Variants in GPRIN3 observed in about 807,000 individuals in gnomAD.
GPRIN3 encodes GPRIN family member 3.
In GPRIN3, 12 loss-of-function variants were observed where a neutral mutation model predicts 13.7. The ratio of observed to expected loss-of-function variants is 0.87; its 90% CI spans 0.56 to 1.42. The LOEUF (loss-of-function observed/expected upper bound fraction) is 1.42. GPRIN3 is among the 40% of genes most tolerant of loss of function. GPRIN3 has a pLI of 0.00. For synonymous variants in GPRIN3, 377 were observed against 372.7 expected, an observed-to-expected ratio of 1.01 and a Z score of -0.13; for missense variants, 1,009 against 958.7, an observed-to-expected ratio of 1.05 and a Z score of -0.69.
intron 1 of GPRIN3, among the ~76,000 whole-genome samples, chr4:89,258,360 G>A (rs1439445999): frequency 6.6e-6 from 1 of 151,864 alleles, no homozygotes; most frequent in Non-Finnish European, 1.5e-5. Context: ...AGGATTAAAG[G>A]CATGCACCAC....
chr4:89,263,513 G>T (rs934252736), intron 1 of GPRIN3, among the ~76,000 whole-genome samples: 1 of 152,170 alleles, frequency 6.6e-6, no homozygotes, highest in Non-Finnish European at 1.5e-5. Context: ...GGCCAGGCAG[G>T]AAGCACTGTA....
rs1296008216 is a variant in GPRIN3 at position 89,248,343 on chromosome 4, C to A, written c.1768G>T (p.Glu590Ter). 1 of 1,614,026 alleles carries A rather than the reference C, an allele frequency of 6.2e-7. No individual in the cohort carries two copies. Among genetic ancestry groups the A allele is most frequent in the Non-Finnish European group, 8.5e-7 (1 of 1,180,044 alleles). Residue 590 changes from glutamate to a stop codon, truncating the protein, a stop_gained, in exon 2 of 2, where the codon GAG (glutamate) becomes TAG (stop). Transcript: ENST00000609438. LOFTEE classifies it high-confidence loss of function. ...PTPSPIRKNQESTLEENRQTK... is the reference protein window; with the variant it reads ...PTPSPIRKNQ Reference sequence around the variant, plus strand: ...TGTCTGTTTTCTTCTAAGGTGCTCTCCTGGTTCTTCCTAATTGGGGAGGGT... The same window carrying A: ...TGTCTGTTTTCTTCTAAGGTGCTCTACTGGTTCTTCCTAATTGGGGAGGGT...
In GPRIN3 at chr4:89,248,030, T is replaced by C. The variant is rs1723158869; in HGVS notation, c.2081A>G (p.Glu694Gly). ...TGCGTCCAAGGATGCACCATACACT[T>C]CCCAGGTCATTCCCTGCTCATCCCA... ...VVWDEQGMTW[E>G]VYGASLDAES... The change falls in exon 2 of 2, where the codon GAA becomes GGA. Residue 694 changes from glutamate (E) to glycine (G), a missense_variant. Physicochemically the swap from Glu to Gly is moderately conservative, Grantham distance 98. Coordinates refer to ENST00000609438, the MANE Select transcript of GPRIN3 (RefSeq NM_198281.3). The C allele has an allele frequency of 6.2e-7, 1 of 1,614,014 alleles. No homozygotes were observed. Among genetic ancestry groups the C allele is most frequent in the Non-Finnish European group, 8.5e-7 (1 of 1,179,978 alleles).
chr4:89,300,304 A>C (rs905650219), intron 1 of GPRIN3, among the ~76,000 whole-genome samples: 1 of 152,102 alleles, frequency 6.6e-6, no homozygotes, highest in African/African-American at 2.4e-5. Flanking sequence ...CAACTAAGTG[A>C]AGCTGTTGGG....
chr4:89,298,671 A>G (rs1724808588), intron 1 of GPRIN3, among the ~76,000 whole-genome samples: 1 of 151,636 alleles, frequency 6.6e-6, no homozygotes, highest in Middle Eastern at 3.4e-3. Flanking sequence ...ACATATATAT[A>G]TATGTATATA....
In GPRIN3 at chr4:89,237,172, A is replaced by G. The variant is rs1003891394; in HGVS notation, c.*10608T>C. 2 of 152,160 alleles carry G rather than the reference A, an allele frequency of 1.3e-5. No individual in the cohort carries two copies. Among genetic ancestry groups the G allele is most frequent in the African/African-American group, 2.4e-5 (1 of 41,428 alleles). The allele number at this position is 152,160 out of a possible 1,614,324, so 9.4% of individuals were successfully genotyped here. On this transcript the variant is annotated 3_prime_UTR_variant, in exon 2 of 2. Coordinates refer to ENST00000609438, the MANE Select transcript of GPRIN3 (RefSeq NM_198281.3). The stretch of plus-strand genomic sequence containing the variant: ...AAGCACTTTCAGCTTCCATCCAGAC[A>G]ATTTGAATTTCAACTATGTTAGACC...
chr4:89,248,608 G>A lies in GPRIN3; in HGVS notation c.1503C>T (p.Asn501=), dbSNP rs370483022. ...RPSEFAEKTT[N]GHKTDPDCKL... ...TGCAATCTGGGTCTGTTTTGTGGCC[G>A]TTTGTCGTTTTCTCTGCAAACTCAG... The change falls in exon 2 of 2, where the codon AAC becomes AAT. Residue 501 remains asparagine, a synonymous_variant. Coordinates refer to ENST00000609438, the MANE Select transcript of GPRIN3 (RefSeq NM_198281.3). The A allele has an allele frequency of 8.1e-5, 130 of 1,613,972 alleles. No homozygotes were observed. The highest frequency in any genetic ancestry group is 3.6e-4 in the East Asian group (16 of 44,874).
intron 1 of GPRIN3, among the ~76,000 whole-genome samples, chr4:89,259,007 C>T (rs1723556107): frequency 1.3e-5 from 2 of 152,162 alleles, no homozygotes; most frequent in Non-Finnish European, 2.9e-5. Flanking sequence ...CGTATTTTGG[C>T]ATAATTTACC....
In GPRIN3 at chr4:89,249,228, A is replaced by T. The variant is rs1723233332; in HGVS notation, c.883T>A (p.Phe295Ile). The change falls in exon 2 of 2, where the codon TTC becomes ATC. Residue 295 changes from phenylalanine to isoleucine, a missense_variant. By Grantham distance (21) the Phe-to-Ile change is conservative (BLOSUM62 0). Coordinates refer to ENST00000609438, the MANE Select transcript of GPRIN3 (RefSeq NM_198281.3). ...TTGGTCATCGTACTGGCTTCTTTGA[A>T]CCTTGACATCTGACGCTGTGCTGGC... ...PLPAQRQMSR[F>I]KEASTMTNQA... The T allele has an allele frequency of 6.2e-7, 1 of 1,613,586 alleles. No homozygotes were observed. Among genetic ancestry groups the T allele is most frequent in the Non-Finnish European group, 8.5e-7 (1 of 1,179,966 alleles).
chr4:89,270,565 TTA>T (rs1199230242), intron 1 of GPRIN3, among the ~76,000 whole-genome samples: 15,356 of 81,810 alleles, frequency 0.19, 1,250 homozygotes, highest in Non-Finnish European at 0.23. Flanking sequence ...TGTATATAAT[TTA>T]TATATATATA....
rs1041724699 is a variant in GPRIN3 at position 89,237,930 on chromosome 4, C to T, written c.*9850G>A. The T allele has an allele frequency of 4.6e-5, 7 of 152,184 alleles. No individual in the cohort carries two copies. The highest frequency in any genetic ancestry group is 1.0e-4 in the Non-Finnish European group (7 of 68,044). 9.4% of individuals were successfully genotyped at this position (152,184 alleles called of 1,614,324 possible). ...ACACCCACTGGTGGGACATAAACAG[C>T]TATAGGCATAAGACAAACCATCTCG... is the stretch of plus-strand genomic sequence containing the variant. On this transcript the variant is annotated 3_prime_UTR_variant, in exon 2 of 2. Coordinates refer to ENST00000609438, the MANE Select transcript of GPRIN3 (RefSeq NM_198281.3).
At chr4:89,299,168 C>G (rs1289544917) in intron 1 of GPRIN3, among the ~76,000 whole-genome samples, 4 of 152,088 alleles carry the variant, frequency 2.6e-5, no homozygotes, top group Non-Finnish European at 5.9e-5. Context: ...ACGCTTGATA[C>G]TTAAACACAG....
chr4:89,241,476 C>T lies in GPRIN3; in HGVS notation c.*6304G>A, dbSNP rs1205328705. On this transcript the variant is annotated 3_prime_UTR_variant, in exon 2 of 2. Transcript: ENST00000609438. ...AGTATTATGCACGACATATTGTTCA[C>T]ACATTAGTACAGCAGAGATACACAC... The T allele has an allele frequency of 6.6e-6, 1 of 152,152 alleles. No homozygotes were observed. The highest frequency in any genetic ancestry group is 1.5e-5 in the Non-Finnish European group (1 of 68,020). The allele number at this position is 152,152 out of a possible 1,614,324, so 9.4% of individuals were successfully genotyped here. A position where few individuals can be genotyped will look rare whatever the true frequency, so the allele number is the denominator to read the frequency against.
At chr4:89,251,149 A>G (rs938501516) in intron 1 of GPRIN3, 50 of 152,300 alleles carry the variant, frequency 3.3e-4, no homozygotes, top group African/African-American at 1.2e-3. Context: ...AAAAATGGAT[A>G]ACAAATATAA....
rs558342293 is a variant in GPRIN3 at position 89,282,735 on chromosome 4, T to C, written c.-124+24880A>G. Among the ~76,000 whole-genome samples, 27 of 152,202 alleles carry C rather than the reference T, an allele frequency of 1.8e-4. No homozygotes were observed. In the East Asian group the frequency reaches 4.8e-3, roughly 27 times the overall value. On this transcript the variant is annotated intron_variant, in intron 1 of 1. Transcript: ENST00000609438. The stretch of plus-strand genomic sequence containing the variant: ...TAGAATATTAATCTGACAAATCACT[T>C]GTCAGAAGTATGGGATTTTTACCCA...
At position 89,253,682 on chromosome 4, in the gene GPRIN3, C is replaced by T. The variant is rs187599323; in HGVS notation, c.-123-3449G>A. On this transcript the variant is annotated intron_variant, in intron 1 of 1. Coordinates refer to ENST00000609438, the MANE Select transcript of GPRIN3 (RefSeq NM_198281.3). ...AACTTTTAGTTTAACTTTGAAAGTG[C>T]GTTTTATTTCATTTGCTTTGCTAAT... 1.7e-4 allele frequency among the ~76,000 whole-genome samples: 26 copies of T among 152,252 alleles called. 1 individual carries two copies. The highest frequency in any genetic ancestry group is 1.7e-3 in the Admixed American group (26 of 15,304).
chr4:89,276,271 C>T (rs1724090581), intron 1 of GPRIN3, among the ~76,000 whole-genome samples: 2 of 152,094 alleles, frequency 1.3e-5, no homozygotes, highest in South Asian at 2.1e-4. Flanking sequence ...TATTTTACAA[C>T]TTGTCTATGC....
intron 1 of GPRIN3, among the ~76,000 whole-genome samples, chr4:89,257,292 C>T (rs189085053): frequency 1.9e-4 from 29 of 152,186 alleles, no homozygotes; most frequent in Non-Finnish European, 3.1e-4. Context: ...GAAAAACGAG[C>T]GCATGGCCTG....
At chr4:89,304,710 C>T (rs1724989258) in intron 1 of GPRIN3, among the ~76,000 whole-genome samples, 1 of 152,124 alleles carries the variant, frequency 6.6e-6, no homozygotes, top group Admixed American at 6.5e-5. Flanking sequence ...ATATGTTTGC[C>T]TTTTGGAGTC....
Sources: allele counts gnomAD v4.1 joint callset (sites outside exome capture counted in the v4.1 genomes callset), GRCh38; gene constraint gnomAD v4.1.1; transcripts MANE v1.5; gene names NCBI Gene and HGNC (gene_info 2026-07-23, HGNC 2026-07-21).